The following PPP2R5C variants were observed in gnomAD, a reference collection of about 807,000 sequenced individuals.
PPP2R5C encodes protein phosphatase 2 regulatory subunit B'gamma.
In PPP2R5C, 7 loss-of-function variants were observed where a neutral mutation model predicts 68.9. The observed-to-expected ratio is 0.10, with a 90% CI of 0.06 to 0.19. The LOEUF (loss-of-function observed/expected upper bound fraction) is 0.19, where lower values mean the gene tolerates loss of function less well. Among genes scored for constraint, PPP2R5C ranks in the 10% least tolerant of loss-of-function variants. PPP2R5C has a pLI of 1.00. For synonymous variants in PPP2R5C, 210 were observed against 222.2 expected, an observed-to-expected ratio of 0.95 and a Z score of 0.49; for missense variants, 348 against 641.3, an observed-to-expected ratio of 0.54 and a Z score of 4.94.
chr14:101,820,826 C>T (rs989754523), intron 1 of PPP2R5C: 1 of 152,050 alleles, frequency 6.6e-6, no homozygotes, highest in Non-Finnish European at 1.5e-5. Context: ...TAAAATATTA[C>T]TTAACATGAA....
chr14:101,833,646 A>G (rs570357645), intron 1 of PPP2R5C: 2 of 152,392 alleles, frequency 1.3e-5, no homozygotes, highest in Non-Finnish European at 2.9e-5. Flanking sequence ...ACATGGACCT[A>G]AACTTGACTT....
intron 1 of PPP2R5C, chr14:101,821,121 T>A (rs1179661892): frequency 1.3e-5 from 2 of 151,450 alleles, no homozygotes; most frequent in South Asian, 4.2e-4. Context: ...TAAAAAAAAA[T>A]TAAGTAGTCA....
chr14:101,907,304 G>A (rs960187580), intron 10 of PPP2R5C, among the ~76,000 whole-genome samples: 1 of 151,850 alleles, frequency 6.6e-6, no homozygotes, highest in Non-Finnish European at 1.5e-5. Context: ...CTGAGTAGCT[G>A]GGACTACAGG....
intron 2 of PPP2R5C, among the ~76,000 whole-genome samples, chr14:101,865,306 G>A (rs1361071859): frequency 2.0e-5 from 3 of 152,224 alleles, no homozygotes; most frequent in African/African-American, 7.2e-5. Flanking sequence ...TTCCTTCCGT[G>A]TCCCATGTCC....
At chr14:101,898,226 G>T (rs74366769) in intron 8 of PPP2R5C, among the ~76,000 whole-genome samples, 1 of 152,104 alleles carries the variant, frequency 6.6e-6, no homozygotes, top group Non-Finnish European at 1.5e-5. Flanking sequence ...TTGAAAGTAT[G>T]TATTTTTCTT....
chr14:101,856,690 T>C (rs1396249376), exon 2 of PPP2R5C: 1 of 1,613,726 alleles, frequency 6.2e-7, no homozygotes, highest in Non-Finnish European at 8.5e-7. Flanking sequence ...TTTCAGATGT[T>C]CCTCCTGCTG....
intron 3 of PPP2R5C, among the ~76,000 whole-genome samples, chr14:101,794,953 CAT>C (rs1422084368): frequency 3.3e-5 from 5 of 152,180 alleles, no homozygotes; most frequent in Admixed American, 6.5e-5. Flanking sequence ...TGTAAACTCA[CAT>C]GTCTTTCTCT....
intron 1 of PPP2R5C, among the ~76,000 whole-genome samples, chr14:101,845,971 C>T (rs1453005768): frequency 1.3e-5 from 2 of 152,294 alleles, no homozygotes; most frequent in South Asian, 2.1e-4. Flanking sequence ...GTGTACCTGG[C>T]GGTACTGTTC....
chr14:101,829,681 G>A (rs2281773), intron 1 of PPP2R5C, among the ~76,000 whole-genome samples: 34,601 of 151,994 alleles, frequency 0.23, 4,528 homozygotes, highest in African/African-American at 0.36. Context: ...GTGTTTGGTC[G>A]GTGTTTAGAC....
chr14:101,835,824 G>A lies in PPP2R5C; in HGVS notation c.95-20862G>A, dbSNP rs1595319755. Among the ~76,000 whole-genome samples, 2 of 152,206 alleles carry A rather than the reference G, an allele frequency of 1.3e-5. No homozygotes were observed. The highest frequency in any genetic ancestry group is 4.1e-4 in the South Asian group (2 of 4,832). ...TCCGAGCTGCCCTGCCTGGGCTCAG[G>A]CATCAGCACGGTCCCATCTGAGCGT... On this transcript the variant is annotated intron_variant, in intron 1 of 13. Coordinates refer to ENST00000334743, the Ensembl canonical transcript of PPP2R5C. This position sits in a 1 kb window ranked among gnomAD's most constrained non-coding sequence, Gnocchi z 5.0.
chr14:101,826,477 A>G lies in PPP2R5C; in HGVS notation c.94+16441A>G, dbSNP rs1256214474. Among the ~76,000 whole-genome samples, 3 of 152,220 alleles carry G rather than the reference A, an allele frequency of 2.0e-5. No individual in the cohort carries two copies. The East Asian group carries it at 5.8e-4, about 29-fold the overall frequency. ...AAAAGGGTTTATTTCTGGATTCTCT[A>G]TTCCATTGGTCTGTATGTCTGTCCT... is the stretch of plus-strand genomic sequence containing the variant. On this transcript the variant is annotated intron_variant, in intron 1 of 13. Coordinates refer to ENST00000334743, the Ensembl canonical transcript of PPP2R5C.
chr14:101,760,748 G>C (rs2036455801), upstream of PPP2R5C: 1 of 891,564 alleles, frequency 1.1e-6, no homozygotes, highest in Non-Finnish European at 1.3e-6. Context: ...GGCTGGTCGA[G>C]GGGAGGGGCT....
intron 1 of PPP2R5C, among the ~76,000 whole-genome samples, chr14:101,845,573 A>C (rs1290902995): frequency 6.6e-6 from 1 of 152,198 alleles, no homozygotes; most frequent in Non-Finnish European, 1.5e-5. Context: ...GAAATGAAAA[A>C]TATCTGCCTT....
chr14:101,893,865 G>A (rs923528315), intron 7 of PPP2R5C, among the ~76,000 whole-genome samples: 2 of 152,198 alleles, frequency 1.3e-5, no homozygotes, highest in South Asian at 2.1e-4. Context: ...GCATTTACCT[G>A]GATTTGGTTT....
In PPP2R5C at chr14:101,888,607, T is replaced by G. The variant is rs2044668644; in HGVS notation, c.630-1630T>G. Among the ~76,000 whole-genome samples the G allele has an allele frequency of 6.6e-6, 1 of 151,948 alleles. No individual in the cohort carries two copies. Among genetic ancestry groups the G allele is most frequent in the African/African-American group, 2.4e-5 (1 of 41,360 alleles). On this transcript the variant is annotated intron_variant, in intron 5 of 13. Coordinates refer to ENST00000334743, the Ensembl canonical transcript of PPP2R5C. The surrounding 1 kb of genome is among the most constrained non-coding windows in gnomAD (Gnocchi z 5.6). ...GTTTTGTTTTGTTTTGTTTTGTTTT[T>G]TGTTTTGAAACAGGGTCTCTGTTGC...
chr14:101,875,263 A>G (rs377464302), intron 2 of PPP2R5C, among the ~76,000 whole-genome samples: 2 of 151,972 alleles, frequency 1.3e-5, no homozygotes, highest in South Asian at 4.2e-4. Context: ...GCTCTCCCTT[A>G]CCTCTCTTCA....
intron 3 of PPP2R5C, among the ~76,000 whole-genome samples, chr14:101,802,367 G>A (rs1188938524): frequency 3.3e-5 from 5 of 152,022 alleles, no homozygotes; most frequent in African/African-American, 7.2e-5. Flanking sequence ...AGCCAAGATC[G>A]CGCCACTGCA....
chr14:101,813,589 C>A (rs2039492550), intron 1 of PPP2R5C, among the ~76,000 whole-genome samples: 1 of 152,232 alleles, frequency 6.6e-6, no homozygotes, highest in Non-Finnish European at 1.5e-5. Context: ...AGCGCATGCT[C>A]ACTTCAGGAG....
rs1010546428 is a variant in PPP2R5C, at chr14:101,797,244, G to A, written c.259+11061G>A. On this transcript the variant is annotated intron_variant, in intron 3 of 14. Transcript: ENST00000328724. The surrounding 1 kb of genome is among the most constrained non-coding windows in gnomAD (Gnocchi z 4.2). ...ACATTGTAGCACGTGCCAGACCCTCGCTCCCGTCGAAGGCTGATGCCATCC... is the reference window on the plus strand; with the variant it reads ...ACATTGTAGCACGTGCCAGACCCTCACTCCCGTCGAAGGCTGATGCCATCC... 10 of 455,844 alleles carry A rather than the reference G, an allele frequency of 2.2e-5. No homozygotes were observed. The highest frequency in any genetic ancestry group is 1.4e-4 in the African/African-American group (7 of 50,034). The allele number at this position is 455,844 out of a possible 1,614,324, so 28.2% of individuals were successfully genotyped here.
Sources: allele counts gnomAD v4.1 joint callset (sites outside exome capture counted in the v4.1 genomes callset), GRCh38; gene constraint gnomAD v4.1.1; non-coding constraint Gnocchi (gnomAD v3.1); transcripts MANE v1.5; gene names NCBI Gene and HGNC (gene_info 2026-07-23, HGNC 2026-07-21).